The following CCN6 variants were observed in gnomAD, a reference collection of about 807,000 sequenced individuals.
CCN6 encodes the protein CCN family member 6.
CCN6 carries 31 observed loss-of-function variants against 37.4 expected under a neutral mutation model. The observed-to-expected ratio is 0.83, with a 90% CI of 0.62 to 1.12. The LOEUF (loss-of-function observed/expected upper bound fraction) is 1.12, where lower values mean the gene tolerates loss of function less well. CCN6 is among the 50% of genes most tolerant of loss of function. The pLI is 0.00. For missense variants in CCN6, 369 were observed against 413.8 expected (o/e 0.89, Z 0.94); for synonymous variants, 137 against 142.1 (o/e 0.96, Z 0.26).
At chr6:112,068,154 A>T in intron 3 of CCN6, 51 bp from the exon 4 acceptor site, 1 of 1,368,972 alleles carries the variant, frequency 7.3e-7, no homozygotes, top group Non-Finnish European at 1.0e-6. Context: ...TTATCTATTT[A>T]TACAAGTACA....
rs17219737 is a variant in CCN6, at chr6:112,069,362, A to G, written c.807A>G (p.Gln269=). The G allele has an allele frequency of 0.056, 90,546 of 1,613,014 alleles. 2,857 individuals are homozygous for G. The highest frequency in any genetic ancestry group is 0.076 in the Middle Eastern group (460 of 6,054). Residue 269 remains glutamine, a synonymous_variant, in exon 5 of 5, where the codon CAA becomes CAG. Transcript: ENST00000368666. ...AGATTCCCAAAGGAAAAACATGCCA[A>G]CCTACTTTCCAACTCTCCAAAGCTG... ...TIKIPKGKTC[Q]PTFQLSKAEK... is the part of the protein sequence containing the mutation.
intron 1 of CCN6, among the ~76,000 whole-genome samples, chr6:112,056,846 G>T (rs2114431856): frequency 6.6e-6 from 1 of 151,930 alleles, no homozygotes; most frequent in South Asian, 2.1e-4. Context: ...TATAATTCTG[G>T]GTTGACAGGT....
rs78339344 is a variant in CCN6 at position 112,067,948 on chromosome 6, T to G, written c.590-257T>G. ...GGCAAAGCAGAAAAATGCAAATGAG[T>G]AAATCTTCTCAGTTTTTCAAAGATA... On this transcript the variant is annotated intron_variant, in intron 3 of 4. Coordinates refer to ENST00000368666, the MANE Select transcript of CCN6 (RefSeq NM_198239.2). Among the ~76,000 whole-genome samples, 1,035 of 152,114 alleles carry G rather than the reference T, an allele frequency of 6.8e-3. 10 individuals carry two copies. The highest frequency in any genetic ancestry group is 0.024 in the African/African-American group (978 of 41,512).
intron 1 of CCN6, among the ~76,000 whole-genome samples, chr6:112,059,263 G>A (rs1020367339): frequency 1.3e-5 from 2 of 152,180 alleles, no homozygotes; most frequent in African/African-American, 2.4e-5. Flanking sequence ...TATTGCTGCT[G>A]TAAGAAATCA....
At chr6:112,066,877 T>C in intron 3 of CCN6, 1 of 1,042,966 alleles carries the variant, frequency 9.6e-7, no homozygotes, top group East Asian at 5.1e-5. Context: ...TCTTGCTTTT[T>C]AATGAATGGT....
At chr6:112,063,930 T>G (rs587676633) in intron 2 of CCN6, among the ~76,000 whole-genome samples, 32 of 152,338 alleles carry the variant, frequency 2.1e-4, no homozygotes, top group South Asian at 8.3e-4. Context: ...ACGTAGAATA[T>G]TAAAGAGACC....
At chr6:112,067,022 C>T in intron 3 of CCN6, 1 of 1,366,334 alleles carries the variant, frequency 7.3e-7, no homozygotes, top group Non-Finnish European at 9.8e-7. Context: ...AAACTGTTGT[C>T]TACCTTCCAG....
chr6:112,062,201 T>C (rs587610586), intron 2 of CCN6, among the ~76,000 whole-genome samples: 1 of 152,366 alleles, frequency 6.6e-6, no homozygotes, highest in South Asian at 2.1e-4. Flanking sequence ...TTACATAATA[T>C]GTACTTCCTA....
At chr6:112,058,522 G>A (rs189197639) in intron 1 of CCN6, among the ~76,000 whole-genome samples, 1 of 152,234 alleles carries the variant, frequency 6.6e-6, no homozygotes, top group African/African-American at 2.4e-5. Flanking sequence ...GCTAGTGGAA[G>A]AGATAGGCAC....
At chr6:112,058,172 G>A (rs1195308971) in intron 1 of CCN6, among the ~76,000 whole-genome samples, 1 of 152,150 alleles carries the variant, frequency 6.6e-6, no homozygotes, top group Admixed American at 6.5e-5. Context: ...CAGAAGCCCA[G>A]CAGTGTCCTA....
chr6:112,058,656 G>C (rs1463475260), intron 1 of CCN6, among the ~76,000 whole-genome samples: 3 of 152,212 alleles, frequency 2.0e-5, no homozygotes, highest in African/African-American at 7.2e-5. Context: ...AAGGAGCTGG[G>C]TCTGGGCAGA....
At chr6:112,067,195 T>C (rs1236131672) in intron 3 of CCN6, among the ~76,000 whole-genome samples, 4 of 152,094 alleles carry the variant, frequency 2.6e-5, no homozygotes, top group Non-Finnish European at 5.9e-5. Flanking sequence ...CTGGGTGTTT[T>C]TCGAGTTTTA....
chr6:112,054,151 G>C lies in CCN6; in HGVS notation c.-207G>C, dbSNP rs1207070666. On this transcript the variant is annotated 5_prime_UTR_variant, in exon 1 of 5. Transcript: ENST00000368666. ...ACTGCGAAGGCAGGTTATTAGAAGA[G>C]TCCCATGAAAGTAAACAGGGTATTA... 18 of 781,996 alleles carry C rather than the reference G, an allele frequency of 2.3e-5. No homozygotes were observed. The African/African-American group carries it at 2.7e-4, about 12-fold the overall frequency. 48.4% of individuals were successfully genotyped at this position (781,996 alleles called of 1,614,324 possible).
At chr6:112,054,501 G>A in intron 1 of CCN6, 96 bp downstream of exon 1, 1 of 1,209,908 alleles carries the variant, frequency 8.3e-7, no homozygotes, top group Non-Finnish European at 1.2e-6. Flanking sequence ...GGAGGAAGAG[G>A]GAGGATCAAT....
rs1776278654 is a variant in CCN6, at chr6:112,054,298, G to A, written c.-60G>A. ...GGAGACAGGGGAGCTTTGTGTACCC[G>A]GAGCAATGAACAAGCGGCGACTTCT... On this transcript the variant is annotated 5_prime_UTR_variant, in exon 1 of 5. Transcript: ENST00000368666. The A allele has an allele frequency of 6.2e-7, 1 of 1,613,908 alleles. No homozygotes were observed. The highest frequency in any genetic ancestry group is 8.5e-7 in the Non-Finnish European group (1 of 1,179,908).
At chr6:112,056,925 T>G (rs1259612019) in intron 1 of CCN6, among the ~76,000 whole-genome samples, 1 of 152,198 alleles carries the variant, frequency 6.6e-6, no homozygotes, top group African/African-American at 2.4e-5. Flanking sequence ...CCTCCGTCTT[T>G]TGATGAGAAG....
In CCN6 at chr6:112,059,907, T is replaced by G. The variant is rs932980897; in HGVS notation, c.49-1084T>G. On this transcript the variant is annotated intron_variant, in intron 1 of 4. Coordinates refer to ENST00000368666, the MANE Select transcript of CCN6 (RefSeq NM_198239.2). Reference sequence around the variant, plus strand: ...GTAGGTAATAAGAAAGGTGGTAAACTCTACGGTGAAAGGACTGGGATAGGG... The same window carrying G: ...GTAGGTAATAAGAAAGGTGGTAAACGCTACGGTGAAAGGACTGGGATAGGG... 1.5e-5 allele frequency: 20 copies of G among 1,291,744 alleles called. No homozygotes were observed. The African/African-American group carries it at 2.4e-4, about 16-fold the overall frequency. The allele number at this position is 1,291,744 out of a possible 1,614,324, so 80.0% of individuals were successfully genotyped here. A position where few individuals can be genotyped will look rare whatever the true frequency, so the allele number is the denominator to read the frequency against.
chr6:112,063,342 GA>G (rs2114452296), intron 2 of CCN6, among the ~76,000 whole-genome samples: 1 of 152,286 alleles, frequency 6.6e-6, no homozygotes, highest in East Asian at 1.9e-4. Flanking sequence ...CATGGAATCT[GA>G]AACCATATCA....
Position 112,064,721 on chromosome 6 carries a change from C to A in CCN6, c.347-34C>A, listed in dbSNP as rs782028871. ...AGGTCTAGACTATCACAGATCATGG[C>A]TTCTTTGGCAATTTTGCTCTTTTCT... On this transcript the variant is annotated intron_variant, in intron 2 of 4. Transcript: ENST00000368666. 7 of 1,613,570 alleles carry A rather than the reference C, an allele frequency of 4.3e-6. No individual in the cohort carries two copies. In the African/African-American group the frequency reaches 9.3e-5, roughly 22 times the overall value.
Sources: gnomAD v4.1 joint callset for allele counts (sites outside exome capture counted in the v4.1 genomes callset) on GRCh38, gnomAD v4.1.1 for gene constraint, MANE v1.5 for transcripts, NCBI Gene and HGNC (gene_info 2026-07-23, HGNC 2026-07-21) for gene names.